The following B3GALT1 variants were observed in gnomAD, a reference collection of about 807,000 sequenced individuals.
The protein encoded by B3GALT1 is UDP-Gal:betaGlcNAc beta 1,3-galactosyltransferase, polypeptide 1.
A neutral mutation model predicts 23.2 loss-of-function variants in B3GALT1; 10 were observed. The ratio of observed to expected loss-of-function variants is 0.43; its 90% CI spans 0.27 to 0.73. The LOEUF is 0.73. B3GALT1 is among the 30% of genes least tolerant of loss of function. The probability of loss-of-function intolerance (pLI) is 0.21; values close to 1 mark genes in which losing one functional copy is unlikely to be tolerated. For synonymous variants in B3GALT1, 156 were observed against 141.5 expected (o/e 1.10, Z -0.73); for missense variants, 299 against 405.4 (o/e 0.74, Z 2.25).
At chr2:167,476,794 A>G (rs1403718385) in intron 1 of B3GALT1, among the ~76,000 whole-genome samples, 1 of 152,206 alleles carries the variant, frequency 6.6e-6, no homozygotes, top group Admixed American at 6.5e-5. Context: ...ATTTTAACTA[A>G]TGAAATGGAA....
chr2:167,688,059 C>T (rs1175708660), intron 3 of B3GALT1, among the ~76,000 whole-genome samples: 1 of 151,994 alleles, frequency 6.6e-6, no homozygotes, highest in Non-Finnish European at 1.5e-5. Context: ...TCACACTATA[C>T]ATATTGTAAT....
intron 3 of B3GALT1, among the ~76,000 whole-genome samples, chr2:167,681,785 G>A (rs1686535267): frequency 6.6e-6 from 1 of 152,150 alleles, no homozygotes; most frequent in Admixed American, 6.5e-5. Flanking sequence ...GGATCCTACA[G>A]CCAAGATGCT....
chr2:167,446,506 A>G (rs892603475), intron 1 of B3GALT1, among the ~76,000 whole-genome samples: 2 of 152,194 alleles, frequency 1.3e-5, no homozygotes, highest in African/African-American at 4.8e-5. Context: ...TACACCAGTC[A>G]GACATAGATT....
chr2:167,388,185 G>A (rs1251470861), intron 1 of B3GALT1, among the ~76,000 whole-genome samples: 1 of 152,126 alleles, frequency 6.6e-6, no homozygotes. Context: ...GAGTGATATA[G>A]ATATCACATA....
At chr2:167,848,324 A>G (rs555648794) in intron 4 of B3GALT1, among the ~76,000 whole-genome samples, 11 of 152,166 alleles carry the variant, frequency 7.2e-5, no homozygotes, top group Non-Finnish European at 1.6e-4. Flanking sequence ...CTTCATGAAC[A>G]TAGATTCTAA....
In B3GALT1 at chr2:167,610,409, G is replaced by T. The variant is rs77343295; in HGVS notation, c.-409-36500G>T. Among the ~76,000 whole-genome samples the T allele has an allele frequency of 8.9e-3, 1,349 of 151,998 alleles. 11 individuals are homozygous for T. The highest frequency in any genetic ancestry group is 0.031 in the South Asian group (151 of 4,806). ...AAACCTATCTCCATACTCCTTTCTG[G>T]ATTTTTGTTTATAGGGGAGATTTTA... is the stretch of plus-strand genomic sequence containing the variant. On this transcript the variant is annotated intron_variant, in intron 2 of 4. Transcript: ENST00000392690.
At chr2:167,452,089 C>T (rs1559101370) in intron 1 of B3GALT1, among the ~76,000 whole-genome samples, 1 of 152,106 alleles carries the variant, frequency 6.6e-6, no homozygotes, top group South Asian at 2.1e-4. Flanking sequence ...GAGAACTTGC[C>T]CCGGGCTACC....
At chr2:167,575,323 G>GGC (rs1558912095) in intron 2 of B3GALT1, among the ~76,000 whole-genome samples, 3 of 151,532 alleles carry the variant, frequency 2.0e-5, no homozygotes, top group Non-Finnish European at 3.0e-5. Flanking sequence ...TACATTCCTG[G>GGC]TGATATCAGC....
At chr2:167,611,105 A>G (rs563406499) in intron 2 of B3GALT1, among the ~76,000 whole-genome samples, 1 of 151,962 alleles carries the variant, frequency 6.6e-6, no homozygotes, top group South Asian at 2.1e-4. Context: ...CAGTTTACCT[A>G]CATAATAAAC....
intron 1 of B3GALT1, among the ~76,000 whole-genome samples, chr2:167,393,132 G>T (rs971312290): frequency 1.4e-4 from 22 of 152,152 alleles, no homozygotes; most frequent in Admixed American, 4.6e-4. Flanking sequence ...TGCTTGGGAG[G>T]CTGAGGCAGG....
At chr2:167,363,499 G>A (rs1355772909) in intron 1 of B3GALT1, among the ~76,000 whole-genome samples, 3 of 151,962 alleles carry the variant, frequency 2.0e-5, no homozygotes, top group Non-Finnish European at 2.9e-5. Context: ...CTGGTAAATC[G>A]TCCAGTACAT....
intron 3 of B3GALT1, among the ~76,000 whole-genome samples, chr2:167,724,333 ATAATC>A (rs903462022): frequency 6.6e-6 from 1 of 152,210 alleles, no homozygotes; most frequent in African/African-American, 2.4e-5. Flanking sequence ...AAACAAGTAA[ATAATC>A]TAAACACCCC....
rs1227712269 is a variant in B3GALT1 at position 167,868,882 on chromosome 2, TGACA to T, written c.-152_-149del. On this transcript the variant is annotated 5_prime_UTR_variant, in exon 5 of 5. It removes the in-frame stop codon of an upstream open reading frame in the 5' UTR. Transcript: ENST00000392690. Reference sequence around the variant, plus strand: ...GAAGAAAGTAGAATGAGCGCAGAGGTGACAGACAGCCACTGAGGCCCATGGACAA... The same window carrying T: ...GAAGAAAGTAGAATGAGCGCAGAGGTGACAGCCACTGAGGCCCATGGACAA... 3.8e-6 allele frequency: 3 copies of T among 791,464 alleles called. No individual in the cohort carries two copies. The highest frequency in any genetic ancestry group is 3.5e-5 in the African/African-American group (2 of 57,838). The allele number at this position is 791,464 out of a possible 1,614,324, so 49.0% of individuals were successfully genotyped here. A position where few individuals can be genotyped will look rare whatever the true frequency, so the allele number is the denominator to read the frequency against.
rs1214935753 is a variant in B3GALT1 at position 167,614,806 on chromosome 2, T to C, written c.-409-32103T>C. ...ATATTTCAAATACATTAGAAAAGGA[T>C]AAAATATTCAGTAAATCAAATAGAG... On this transcript the variant is annotated intron_variant, in intron 2 of 4. Transcript: ENST00000392690. Among the ~76,000 whole-genome samples the C allele has an allele frequency of 2.0e-5, 3 of 151,914 alleles. No homozygotes were observed. The East Asian group carries it at 5.8e-4, about 29-fold the overall frequency.
At chr2:167,730,133 G>A (rs1466440080) in intron 3 of B3GALT1, among the ~76,000 whole-genome samples, 2 of 152,126 alleles carry the variant, frequency 1.3e-5, no homozygotes, top group African/African-American at 4.8e-5. Flanking sequence ...ATTGTAAATG[G>A]TCCAATCTAT....
At chr2:167,560,476 G>A (rs191656266) in intron 2 of B3GALT1, among the ~76,000 whole-genome samples, 4 of 152,054 alleles carry the variant, frequency 2.6e-5, no homozygotes, top group Admixed American at 2.6e-4. Context: ...AAATGTAAAT[G>A]GACTAAATGC....
chr2:167,327,723 T>C lies in B3GALT1; in HGVS notation c.-511+34389T>C, dbSNP rs188659148. Among the ~76,000 whole-genome samples, 168 of 152,306 alleles carry C rather than the reference T, an allele frequency of 1.1e-3. 4 individuals are homozygous for C. In the East Asian group the frequency reaches 0.025, roughly 22 times the overall value. On this transcript the variant is annotated intron_variant, in intron 1 of 4. Transcript: ENST00000392690. ...GTGGATGCTTTTTGTTTCTTTCTCT[T>C]GCTGGATTGCTGTGGATAGGACTTC...
chr2:167,524,540 G>A (rs1558892591), intron 2 of B3GALT1, among the ~76,000 whole-genome samples: 2 of 152,154 alleles, frequency 1.3e-5, no homozygotes, highest in Non-Finnish European at 2.9e-5. Context: ...CTTGTTAGCA[G>A]AATACTAATC....
intron 1 of B3GALT1, among the ~76,000 whole-genome samples, chr2:167,477,516 A>G (rs1382207233): frequency 6.6e-6 from 1 of 152,256 alleles, no homozygotes; most frequent in Non-Finnish European, 1.5e-5. Context: ...ACGATCCTAT[A>G]ATAATGCAAA....
Sources: gnomAD v4.1 joint callset for allele counts (sites outside exome capture counted in the v4.1 genomes callset) on GRCh38, gnomAD v4.1.1 for gene constraint, MANE v1.5 for transcripts, NCBI Gene and HGNC (gene_info 2026-07-23, HGNC 2026-07-21) for gene names.